The following SHROOM3 variants were observed in gnomAD, a reference collection of about 807,000 sequenced individuals.
The protein encoded by SHROOM3 is shroom family member 3.
In SHROOM3, 47 loss-of-function variants were observed where a neutral mutation model predicts 138.6. The observed-to-expected ratio is 0.34, with a 90% CI of 0.27 to 0.43. SHROOM3 has a LOEUF of 0.43. Ranked by LOEUF, SHROOM3 falls within the 20% of genes least tolerant of loss-of-function variation. The pLI is 1.00. For synonymous variants in SHROOM3, 1,062 were observed against 1,063.3 expected (o/e 1.00, Z 0.02); for missense variants, 2,491 against 2,596.5 (o/e 0.96, Z 0.88).
intron 1 of SHROOM3, among the ~76,000 whole-genome samples, chr4:76,552,812 G>A (rs1733393299): frequency 6.6e-6 from 1 of 151,940 alleles, no homozygotes; most frequent in African/African-American, 2.4e-5. Flanking sequence ...GAGAAAATAT[G>A]GGTGAGGTTT....
chr4:76,778,239 T>TG (rs1722635161), intron 10 of SHROOM3, among the ~76,000 whole-genome samples: 1 of 150,660 alleles, frequency 6.6e-6, no homozygotes, highest in East Asian at 1.9e-4. Context: ...TTTTTTTTTT[T>TG]GAGACAAGAG....
intron 1 of SHROOM3, among the ~76,000 whole-genome samples, chr4:76,460,673 G>A (rs1036110406): frequency 6.6e-6 from 1 of 151,458 alleles, no homozygotes; most frequent in Non-Finnish European, 1.5e-5. Flanking sequence ...CACATCTCTG[G>A]TGTCTCTCTG....
rs1730745677 is a variant in SHROOM3 at position 76,443,723 on chromosome 4, C to T, written c.168+7503C>T. On this transcript the variant is annotated intron_variant, in intron 1 of 10. Coordinates refer to ENST00000296043, the MANE Select transcript of SHROOM3 (RefSeq NM_020859.4). ...TCTCCACAAAGGCTACATGGGTACG[C>T]TGTGGATCTTGGTTTGTAGAATGGA... 2.0e-5 allele frequency among the ~76,000 whole-genome samples: 3 copies of T among 152,308 alleles called. No homozygotes were observed. The South Asian group carries it at 6.2e-4, about 32-fold the overall frequency.
At chr4:76,469,403 T>A (rs1731319502) in intron 1 of SHROOM3, among the ~76,000 whole-genome samples, 2 of 151,804 alleles carry the variant, frequency 1.3e-5, no homozygotes, top group South Asian at 2.1e-4. Flanking sequence ...GCCACCTAAG[T>A]CCCCCCACTT....
At chr4:76,594,264 T>C (rs1480634952) in intron 2 of SHROOM3, among the ~76,000 whole-genome samples, 1 of 152,204 alleles carries the variant, frequency 6.6e-6, no homozygotes, top group African/African-American at 2.4e-5. Flanking sequence ...TCCTGTTGAT[T>C]CAGAGGGAAA....
chr4:76,738,299 CAT>C lies in SHROOM3; in HGVS notation c.588-458_588-457del, dbSNP rs142616398. Among the ~76,000 whole-genome samples, 116 of 152,296 alleles carry C rather than the reference CAT, an allele frequency of 7.6e-4. 1 individual carries two copies. The highest frequency in any genetic ancestry group is 1.3e-3 in the Non-Finnish European group (89 of 68,014). ...AAAAAGGAAAGATATTAACTAAAAA[CAT>C]ATACATGTGCACACAAAGTCTCCTT... On this transcript the variant is annotated intron_variant, in intron 4 of 10. Coordinates refer to ENST00000296043, the MANE Select transcript of SHROOM3 (RefSeq NM_020859.4).
At chr4:76,477,086 G>A (rs980984978) in intron 1 of SHROOM3, among the ~76,000 whole-genome samples, 1 of 152,116 alleles carries the variant, frequency 6.6e-6, no homozygotes, top group African/African-American at 2.4e-5. Flanking sequence ...TCCTGCCTCA[G>A]CCTCCCAAGT....
chr4:76,525,214 T>TA (rs1732664208), intron 1 of SHROOM3, among the ~76,000 whole-genome samples: 1 of 152,164 alleles, frequency 6.6e-6, no homozygotes, highest in African/African-American at 2.4e-5. Flanking sequence ...TCAGGAAACT[T>TA]ACAGTCATGG....
intron 3 of SHROOM3, among the ~76,000 whole-genome samples, chr4:76,718,488 G>A (rs1720446306): frequency 6.6e-6 from 1 of 152,070 alleles, no homozygotes; most frequent in Admixed American, 6.6e-5. Context: ...AAGTTTCTTT[G>A]CCAGTCTGAG....
At chr4:76,551,892 C>T (rs556534982) in intron 1 of SHROOM3, among the ~76,000 whole-genome samples, 5 of 151,420 alleles carry the variant, frequency 3.3e-5, no homozygotes, top group Non-Finnish European at 5.9e-5. Flanking sequence ...GACAGAGTCT[C>T]GCTCTGTCAC....
rs76837696 is a variant in SHROOM3, at chr4:76,592,179, T to A, written c.323+36416T>A. 8.6e-3 allele frequency among the ~76,000 whole-genome samples: 1,302 copies of A among 152,218 alleles called. 16 individuals carry two copies. The highest frequency in any genetic ancestry group is 0.03 in the African/African-American group (1,256 of 41,510). The stretch of plus-strand genomic sequence containing the variant: ...CATTGCTGACAGAGAGAAGAGCATA[T>A]GCAAAGGCCCTGGGGCAAACGTGTT... On this transcript the variant is annotated intron_variant, in intron 2 of 10. Coordinates refer to ENST00000296043, the MANE Select transcript of SHROOM3 (RefSeq NM_020859.4).
chr4:76,636,774 A>G (rs1199649684), intron 2 of SHROOM3, among the ~76,000 whole-genome samples: 1 of 152,216 alleles, frequency 6.6e-6, no homozygotes, highest in East Asian at 1.9e-4. Context: ...ATGGGATGAC[A>G]TCCTGGCTAG....
chr4:76,538,742 A>C (rs1023090089), intron 1 of SHROOM3, among the ~76,000 whole-genome samples: 1 of 152,110 alleles, frequency 6.6e-6, no homozygotes, highest in African/African-American at 2.4e-5. Flanking sequence ...TCTTTTGGGG[A>C]CACCATTATC....
At chr4:76,572,386 A>G (rs1257184499) in intron 2 of SHROOM3, among the ~76,000 whole-genome samples, 1 of 152,110 alleles carries the variant, frequency 6.6e-6, no homozygotes, top group African/African-American at 2.4e-5. Flanking sequence ...GATCTTAATA[A>G]AGGCTGACCT....
intron 1 of SHROOM3, among the ~76,000 whole-genome samples, chr4:76,505,495 C>T (rs566471863): frequency 1.3e-5 from 2 of 152,064 alleles, no homozygotes; most frequent in Non-Finnish European, 2.9e-5. Flanking sequence ...ACAATTGGCC[C>T]TCTGTATCTG....
intron 3 of SHROOM3, among the ~76,000 whole-genome samples, chr4:76,724,673 C>T (rs1461782919): frequency 6.6e-6 from 1 of 152,120 alleles, no homozygotes; most frequent in Non-Finnish European, 1.5e-5. Context: ...GTGATTTTCC[C>T]CACATACTGT....
At chr4:76,777,322 T>A (rs1001834750) in intron 10 of SHROOM3, among the ~76,000 whole-genome samples, 8 of 152,302 alleles carry the variant, frequency 5.3e-5, no homozygotes, top group African/African-American at 1.7e-4. Context: ...CCTCCTTGAT[T>A]AGGTATATTC....
chr4:76,441,107 T>TTTA (rs71212423), intron 1 of SHROOM3, among the ~76,000 whole-genome samples: 1 of 144,130 alleles, frequency 6.9e-6, no homozygotes, highest in African/African-American at 2.7e-5. Context: ...TTTTTTTTTT[T>TTTA]GAGACAGAGT....
At chr4:76,437,861 T>A (rs1579152760) in intron 1 of SHROOM3, among the ~76,000 whole-genome samples, 1 of 152,340 alleles carries the variant, frequency 6.6e-6, no homozygotes, top group East Asian at 1.9e-4. Context: ...TGCCTGTCCC[T>A]TAATGATAAA....
Sources: allele counts gnomAD v4.1 joint callset (sites outside exome capture counted in the v4.1 genomes callset), GRCh38; gene constraint gnomAD v4.1.1; transcripts MANE v1.5; gene names NCBI Gene and HGNC (gene_info 2026-07-23, HGNC 2026-07-21).